The following SNTG1 variants were observed in gnomAD, a reference collection of about 807,000 sequenced individuals.
SNTG1 encodes the protein syntrophin gamma 1.
In SNTG1, 39 loss-of-function variants were observed where a neutral mutation model predicts 74.7. The observed-to-expected ratio is 0.52, with a 90% CI of 0.40 to 0.68. The LOEUF is 0.68. Ranked by LOEUF, SNTG1 falls within the 30% of genes least tolerant of loss-of-function variation. The pLI is 0.00. For synonymous variants in SNTG1, 254 were observed against 217.1 expected, an observed-to-expected ratio of 1.17 and a Z score of -1.49; for missense variants, 685 against 609.5, an observed-to-expected ratio of 1.12 and a Z score of -1.30.
chr8:50,219,655 A>G (rs1394591897), intron 2 of SNTG1, among the ~76,000 whole-genome samples: 1 of 152,160 alleles, frequency 6.6e-6, no homozygotes, highest in Non-Finnish European at 1.5e-5. Flanking sequence ...GTTTTAAACA[A>G]CAAAATCTCA....
rs2093973415 is a variant in SNTG1, at chr8:50,502,812, C to A, written c.398C>A (p.Thr133Asn). 6.2e-7 allele frequency: 1 copy of A among 1,613,256 alleles called. No homozygotes were observed. The highest frequency in any genetic ancestry group is 8.5e-7 in the Non-Finnish European group (1 of 1,179,556). The change falls in exon 9 of 19, where the codon ACT (threonine) becomes AAT (asparagine). Residue 133 changes from threonine (T) to asparagine (N), a missense_variant. Transcript: ENST00000642720. ...CTTCGGAATGCTGGAGAAGAAGTGA[C>A]TCTAACAGTGTCATTTTTAAAAAGA... ...QVLRNAGEEV[T>N]LTVSFLKRAP...
chr8:50,774,299 G>C (rs150338442), intron 18 of SNTG1, among the ~76,000 whole-genome samples: 2,427 of 151,856 alleles, frequency 0.016, 39 homozygotes, highest in Middle Eastern at 0.034. Flanking sequence ...AAAAACAAAA[G>C]ACATAAAATT....
intron 2 of SNTG1, among the ~76,000 whole-genome samples, chr8:50,238,986 A>G (rs938800349): frequency 6.6e-6 from 1 of 152,144 alleles, no homozygotes; most frequent in Non-Finnish European, 1.5e-5. Flanking sequence ...AAAAAGTCAA[A>G]AAATAACAGA....
At chr8:50,667,573 G>A (rs780144203) in intron 15 of SNTG1, among the ~76,000 whole-genome samples, 36 of 151,862 alleles carry the variant, frequency 2.4e-4, no homozygotes, top group Non-Finnish European at 4.3e-4. Flanking sequence ...CCATCACGGG[G>A]CCCCATCCTG....
chr8:50,705,062 C>A (rs2095438864), intron 16 of SNTG1, among the ~76,000 whole-genome samples: 1 of 152,124 alleles, frequency 6.6e-6, no homozygotes, highest in South Asian at 2.1e-4. Context: ...GAATTGTTGA[C>A]AAGGTCACTT....
chr8:50,296,628 G>C (rs1737387637), intron 2 of SNTG1, among the ~76,000 whole-genome samples: 1 of 152,076 alleles, frequency 6.6e-6, no homozygotes, highest in African/African-American at 2.4e-5. Flanking sequence ...GGAGGGCAAG[G>C]GGAGGGAAAG....
intron 2 of SNTG1, among the ~76,000 whole-genome samples, chr8:50,365,566 A>T (rs952465627): frequency 2.0e-5 from 3 of 152,018 alleles, no homozygotes; most frequent in Admixed American, 6.6e-5. Flanking sequence ...AAAATCAAAG[A>T]TTTTTTTTAA....
chr8:50,590,995 A>T (rs2094688323), intron 13 of SNTG1, 78 bp downstream of exon 13: 1 of 993,352 alleles, frequency 1.0e-6, no homozygotes, highest in East Asian at 2.9e-5. Flanking sequence ...ACGTTACCTG[A>T]TTTCTAGACA....
intron 2 of SNTG1, among the ~76,000 whole-genome samples, chr8:50,231,046 G>T (rs10282945): frequency 0.26 from 39,572 of 150,960 alleles, 5,261 homozygotes; most frequent in South Asian, 0.37. Flanking sequence ...TAACTCTAAA[G>T]AAATAAAACA....
chr8:49,938,603 T>TTTCTTTTCTTTCTTTC (rs10629764), intron 1 of SNTG1, among the ~76,000 whole-genome samples: 1 of 74,754 alleles, frequency 1.3e-5, no homozygotes, highest in African/African-American at 4.5e-5. Context: ...TTTTCTTTTC[T>TTTCTTTTCTTTCTTTC]TTTCTTTCTT....
At chr8:50,671,059 CTT>C (rs2095279492) in intron 15 of SNTG1, among the ~76,000 whole-genome samples, 1 of 151,314 alleles carries the variant, frequency 6.6e-6, no homozygotes, top group Admixed American at 6.6e-5. Flanking sequence ...GGATTAAAGA[CTT>C]AAATGTTAGA....
chr8:49,976,201 G>A (rs2130049981), intron 1 of SNTG1, among the ~76,000 whole-genome samples: 1 of 152,278 alleles, frequency 6.6e-6, no homozygotes, highest in East Asian at 1.9e-4. Context: ...AAGGCCTGAT[G>A]TGAAGGCTCA....
chr8:50,183,987 A>G (rs991888593), intron 2 of SNTG1, among the ~76,000 whole-genome samples: 3 of 152,136 alleles, frequency 2.0e-5, no homozygotes, highest in African/African-American at 4.8e-5. Flanking sequence ...AAGGAAATGT[A>G]TATGCTCCCA....
chr8:50,646,824 A>T (rs961236826), intron 13 of SNTG1, among the ~76,000 whole-genome samples: 3 of 152,188 alleles, frequency 2.0e-5, no homozygotes, highest in Admixed American at 2.0e-4. Context: ...ATCTTACTAT[A>T]AAGTGACAGT....
chr8:50,018,704 C>A (rs1340159037), intron 1 of SNTG1, among the ~76,000 whole-genome samples: 1 of 151,858 alleles, frequency 6.6e-6, no homozygotes, highest in Non-Finnish European at 1.5e-5. Flanking sequence ...GAAAACAATG[C>A]ATAGAACATA....
intron 13 of SNTG1, among the ~76,000 whole-genome samples, chr8:50,624,748 A>G (rs902429801): frequency 6.6e-6 from 1 of 152,142 alleles, no homozygotes; most frequent in African/African-American, 2.4e-5. Context: ...TTTCACAACT[A>G]ACTCCATTAT....
chr8:50,413,337 T>C (rs2092973537), intron 4 of SNTG1, among the ~76,000 whole-genome samples: 1 of 152,208 alleles, frequency 6.6e-6, no homozygotes, highest in Non-Finnish European at 1.5e-5. Flanking sequence ...ACTGTTCATT[T>C]GTTTTTTTCT....
intron 1 of SNTG1, among the ~76,000 whole-genome samples, chr8:50,058,556 A>T (rs1427825332): frequency 6.6e-6 from 1 of 152,094 alleles, no homozygotes; most frequent in African/African-American, 2.4e-5. Flanking sequence ...CTTTTAATTA[A>T]AGTTTTAACT....
At chr8:50,217,371 C>T (rs2084842425) in intron 2 of SNTG1, among the ~76,000 whole-genome samples, 1 of 151,714 alleles carries the variant, frequency 6.6e-6, no homozygotes, top group African/African-American at 2.4e-5. Flanking sequence ...GGATAAAGCA[C>T]TATATATATA....
Sources: gnomAD v4.1 joint callset for allele counts (sites outside exome capture counted in the v4.1 genomes callset) on GRCh38, gnomAD v4.1.1 for gene constraint, MANE v1.5 for transcripts, NCBI Gene and HGNC (gene_info 2026-07-23, HGNC 2026-07-21) for gene names.